NFIB: variants seen among roughly 807,000 people sequenced by gnomAD.
NFIB encodes nuclear factor I B.
In NFIB, 11 loss-of-function variants were observed where a neutral mutation model predicts 61.5. That is an observed-to-expected ratio of 0.18 (90% CI 0.11 to 0.30). The LOEUF (loss-of-function observed/expected upper bound fraction) is 0.30, where lower values mean the gene tolerates loss of function less well. Ranked by LOEUF, NFIB falls within the 10% of genes least tolerant of loss-of-function variation. The pLI is 1.00. For missense variants in NFIB, 471 were observed against 608.9 expected (o/e 0.77, Z 2.38); for synonymous variants, 260 against 216.5 (o/e 1.20, Z -1.76).
At chr9:14,170,644 G>C (rs1439068679) in intron 3 of NFIB, among the ~76,000 whole-genome samples, 4 of 152,074 alleles carry the variant, frequency 2.6e-5, no homozygotes, top group African/African-American at 7.2e-5. Flanking sequence ...CCATCTCGGG[G>C]AGAGGGGGAG....
intron 1 of NFIB, among the ~76,000 whole-genome samples, chr9:14,341,746 TGGCTCACG>T (rs2060953043): frequency 1.3e-5 from 2 of 152,298 alleles, no homozygotes; most frequent in East Asian, 3.9e-4. Context: ...GGCTCATCCA[TGGCTCACG>T]GGCTTGCCAG....
chr9:14,272,701 A>C (rs1332921062), intron 2 of NFIB, among the ~76,000 whole-genome samples: 1 of 150,086 alleles, frequency 6.7e-6, no homozygotes, highest in African/African-American at 2.4e-5. Context: ...GCAAAAAAAA[A>C]AAAAAAAAAA....
chr9:14,314,403 A>G (rs1455546677), upstream of NFIB: 3 of 151,516 alleles, frequency 2.0e-5, no homozygotes, highest in Admixed American at 2.0e-4. Context: ...CCCAGAGCCC[A>G]GGGGTATCAA....
intron 1 of NFIB, among the ~76,000 whole-genome samples, chr9:14,341,468 A>G (rs542654134): frequency 2.6e-4 from 40 of 152,182 alleles, no homozygotes; most frequent in Non-Finnish European, 4.3e-4. Context: ...GCCCTCAATG[A>G]AAACAGGTAG....
At chr9:14,312,251 A>G (rs2060314091) in intron 1 of NFIB, among the ~76,000 whole-genome samples, 1 of 152,226 alleles carries the variant, frequency 6.6e-6, no homozygotes, top group African/African-American at 2.4e-5. Context: ...TTGAATCACA[A>G]TGGCTTCTAA....
At chr9:14,183,348 A>C (rs1439611860) in intron 2 of NFIB, among the ~76,000 whole-genome samples, 2 of 152,086 alleles carry the variant, frequency 1.3e-5, no homozygotes, top group African/African-American at 4.8e-5. Context: ...TTGAGGAACA[A>C]GGCTGCTAAG....
At chr9:14,489,732 G>A in the NFIB span, among the ~76,000 whole-genome samples, 1 of 151,520 alleles carries the variant, frequency 6.6e-6, no homozygotes, top group Admixed American at 6.6e-5. Context: ...CCAATTTTTG[G>A]TAGTTTGCTT....
chr9:14,231,135 A>AAAAAAAAAATATAT (rs55959148), intron 2 of NFIB, among the ~76,000 whole-genome samples: 1 of 35,344 alleles, frequency 2.8e-5, no homozygotes, highest in Non-Finnish European at 5.4e-5. Flanking sequence ...AAAAAAAAAA[A>AAAAAAAAAATATAT]ATATATATAT....
At chr9:14,315,786 G>T (rs1285984818), upstream of NFIB, among the ~76,000 whole-genome samples, 1 of 151,876 alleles carries the variant, frequency 6.6e-6, no homozygotes, top group Non-Finnish European at 1.5e-5. Flanking sequence ...TCTGCTTGGG[G>T]TGGATGGGGA....
intron 2 of NFIB, among the ~76,000 whole-genome samples, chr9:14,206,695 C>CAAAAA (rs889983433): frequency 1.4e-5 from 1 of 71,274 alleles, no homozygotes; most frequent in Non-Finnish European, 3.2e-5. Context: ...ACATGCTTTA[C>CAAAAA]AAAAAAAAAA....
intron 2 of NFIB, among the ~76,000 whole-genome samples, chr9:14,186,415 C>T (rs1035841733): frequency 3.0e-4 from 45 of 152,000 alleles, no homozygotes; most frequent in Non-Finnish European, 5.6e-4. Context: ...TTCTTTCTCT[C>T]TAAAACATTA....
chr9:14,489,662 A>G, the NFIB span, among the ~76,000 whole-genome samples: 1 of 152,126 alleles, frequency 6.6e-6, no homozygotes, highest in Non-Finnish European at 1.5e-5. Context: ...TTTTGTGTAC[A>G]TTTTCAGAGA....
At chr9:14,512,397 T>C in the NFIB span, among the ~76,000 whole-genome samples, 1 of 66,268 alleles carries the variant, frequency 1.5e-5, no homozygotes, top group African/African-American at 4.0e-5. Flanking sequence ...AGACTTTCAT[T>C]ACTAAGTAAT....
intron 10 of NFIB, among the ~76,000 whole-genome samples, chr9:14,111,856 C>G (rs138768564): frequency 1.3e-5 from 2 of 152,234 alleles, no homozygotes; most frequent in Non-Finnish European, 2.9e-5. Flanking sequence ...AATAAGCTAT[C>G]ATCTTTATGA....
intron 6 of NFIB, among the ~76,000 whole-genome samples, chr9:14,145,544 G>A (rs907219113): frequency 6.6e-6 from 1 of 152,038 alleles, no homozygotes; most frequent in African/African-American, 2.4e-5. Flanking sequence ...TAACTGTTAA[G>A]GCCCAGAGTT....
upstream of NFIB, chr9:14,314,237 C>A (rs1322934359): frequency 1.5e-5 from 12 of 793,828 alleles, no homozygotes; most frequent in Non-Finnish European, 1.9e-5. Context: ...GGGGCGCGAG[C>A]GCTGATCTCT....
chr9:14,127,889 C>G (rs2039877413), intron 6 of NFIB, among the ~76,000 whole-genome samples: 1 of 137,564 alleles, frequency 7.3e-6, no homozygotes, highest in South Asian at 2.3e-4. Flanking sequence ...GTGAATCTAT[C>G]AGAACTTTGA....
chr9:14,503,670 A>G, the NFIB span, among the ~76,000 whole-genome samples: 1 of 151,590 alleles, frequency 6.6e-6, no homozygotes, highest in East Asian at 1.9e-4. Flanking sequence ...TTTTGTTGGG[A>G]CTGTTTTTTT....
chr9:14,513,810 AC>A, the NFIB span, among the ~76,000 whole-genome samples: 1 of 152,068 alleles, frequency 6.6e-6, no homozygotes, highest in East Asian at 1.9e-4. Flanking sequence ...AAGTTACTTC[AC>A]CTCTCTGTGC....
Sources: allele counts gnomAD v4.1 joint callset (sites outside exome capture counted in the v4.1 genomes callset), GRCh38; gene constraint gnomAD v4.1.1; transcripts MANE v1.5; gene names NCBI Gene and HGNC (gene_info 2026-07-23, HGNC 2026-07-21).